The following TRAIP variants were observed in gnomAD, a reference collection of about 807,000 sequenced individuals.
TRAIP encodes the protein E3 ubiquitin-protein ligase TRAIP.
Under a neutral mutation model 65.0 loss-of-function variants are expected in TRAIP, and 37 were observed. The observed-to-expected ratio is 0.57, with a 90% CI of 0.44 to 0.75. The LOEUF (loss-of-function observed/expected upper bound fraction) is 0.75, where lower values mean the gene tolerates loss of function less well. Ranked by LOEUF, TRAIP falls within the 30% of genes least tolerant of loss-of-function variation. TRAIP has a pLI of 0.00. For synonymous variants in TRAIP, 187 were observed against 219.1 expected, an observed-to-expected ratio of 0.85 and a Z score of 1.29; for missense variants, 481 against 579.4, an observed-to-expected ratio of 0.83 and a Z score of 1.74.
At chr3:49,833,393 A>T (rs138484063) in intron 10 of TRAIP, among the ~76,000 whole-genome samples, 1,650 of 152,018 alleles carry the variant, frequency 0.011, 29 homozygotes, top group Middle Eastern at 0.045. Context: ...CACTAAACTC[A>T]AGACTCAGGA....
rs145762544 is a variant in TRAIP, at chr3:49,849,003, C to T, written c.99-803G>A. ...CTGGGATTACAGGCATGCGCGACCA[C>T]GCCCAGCTAATTTTTGTTTTTAGTA... On this transcript the variant is annotated intron_variant, in intron 1 of 14. Coordinates refer to ENST00000331456, the MANE Select transcript of TRAIP (RefSeq NM_005879.3). Among the ~76,000 whole-genome samples, 662 of 151,934 alleles carry T rather than the reference C, an allele frequency of 4.4e-3. 4 individuals carry two copies. Among genetic ancestry groups the T allele is most frequent in the African/African-American group, 0.015 (610 of 41,392 alleles).
chr3:49,836,327 C>A (rs1019280972), intron 10 of TRAIP, among the ~76,000 whole-genome samples: 2 of 151,460 alleles, frequency 1.3e-5, no homozygotes, highest in African/African-American at 4.8e-5. Context: ...CCCATCTCTA[C>A]TAAAAATACA....
At position 49,829,097 on chromosome 3, in the gene TRAIP, C is replaced by G. The variant is rs754838381; in HGVS notation, c.*6G>C. 1.9e-6 allele frequency: 3 copies of G among 1,614,094 alleles called. No individual in the cohort carries two copies. Among genetic ancestry groups the G allele is most frequent in the Non-Finnish European group, 2.5e-6 (3 of 1,180,030 alleles). On this transcript the variant is annotated 3_prime_UTR_variant, in exon 15 of 15. Coordinates refer to ENST00000331456, the MANE Select transcript of TRAIP (RefSeq NM_005879.3). ...TGTGTCTGGCCATTGGTCAGACTCA[C>G]TGTTCTCACGACCACAGGAAGGTGT... is the stretch of plus-strand genomic sequence containing the variant.
rs559729405 is a variant in TRAIP at position 49,845,999 on chromosome 3, C to T, written c.241-1419G>A. 3.2e-4 allele frequency among the ~76,000 whole-genome samples: 49 copies of T among 152,234 alleles called. 1 individual carries two copies. Among genetic ancestry groups the T allele is most frequent in the Middle Eastern group, 6.8e-3 (2 of 294 alleles). On this transcript the variant is annotated intron_variant, in intron 3 of 14. Coordinates refer to ENST00000331456, the MANE Select transcript of TRAIP (RefSeq NM_005879.3). ...CAGAGTCCAGGGATCATTTGTGAAC[C>T]CAAATCCAACTTCCTCAAGAGTTCT...
chr3:49,839,323 G>A (rs1024142484), intron 10 of TRAIP, among the ~76,000 whole-genome samples: 4 of 152,168 alleles, frequency 2.6e-5, no homozygotes, highest in Non-Finnish European at 5.9e-5. Flanking sequence ...CTGCTTCTGT[G>A]AAACTCTCAG....
intron 6 of TRAIP, 93 bp from the exon 7 acceptor site, chr3:49,842,032 A>T: frequency 7.9e-6 from 8 of 1,017,688 alleles, no homozygotes; most frequent in Non-Finnish European, 1.1e-5. Context: ...GCCGTTGCTA[A>T]GGTAACAGGC....
At chr3:49,847,913 C>G (rs1352540096) in intron 2 of TRAIP, among the ~76,000 whole-genome samples, 1 of 152,134 alleles carries the variant, frequency 6.6e-6, no homozygotes, top group Non-Finnish European at 1.5e-5. Context: ...GGAGGCCAGC[C>G]AAATCTACCC....
chr3:49,840,481 G>T, intron 8 of TRAIP, 108 bp from the exon 9 acceptor site: 2 of 858,194 alleles, frequency 2.3e-6, no homozygotes, highest in South Asian at 1.5e-5. Context: ...AGAGACTAGA[G>T]ATATGGGCAG....
At chr3:49,844,444 G>T in intron 4 of TRAIP, 97 bp downstream of exon 4, 2 of 1,352,060 alleles carry the variant, frequency 1.5e-6, no homozygotes, top group Non-Finnish European at 2.1e-6. Context: ...AAAGGCCCTG[G>T]CTCTCCCAAA....
chr3:49,852,710 G>A (rs796347729), intron 1 of TRAIP, among the ~76,000 whole-genome samples: 8 of 151,632 alleles, frequency 5.3e-5, no homozygotes, highest in African/African-American at 1.2e-4. Flanking sequence ...AGCCAAGATC[G>A]TGCCACTGCA....
chr3:49,831,842 C>T (rs879065938), intron 11 of TRAIP, 74 bp downstream of exon 11: 9 of 1,412,778 alleles, frequency 6.4e-6, no homozygotes, highest in Non-Finnish European at 7.4e-6. Flanking sequence ...TCAGAGCTAA[C>T]AGCACAGGGC....
rs779954097 is a variant in TRAIP at position 49,841,034 on chromosome 3, C to A, written c.656G>T (p.Gly219Val). 7 of 1,614,098 alleles carry A rather than the reference C, an allele frequency of 4.3e-6. No homozygotes were observed. Among genetic ancestry groups the A allele is most frequent in the Non-Finnish European group, 5.9e-6 (7 of 1,180,040 alleles). The change falls in exon 8 of 15, where the codon GGG becomes GTG. Residue 219 changes from glycine (G) to valine (V), a missense_variant. Physicochemically the swap from Gly to Val is moderately radical, Grantham distance 109 (BLOSUM62 -3). Transcript: ENST00000331456. ...CTTCCTCAGCTTGTCAGCCACCTCC[C>A]CTGAGGCCTTCCGTGCCTCTTTTAG... ...ENLKEARKAS[G>V]EVADKLRKDL...
Position 49,829,947 on chromosome 3 carries a change from T to C in TRAIP, c.1086+73A>G. The stretch of plus-strand genomic sequence containing the variant: ...TCCTGGACCAGGAGTGACAAGGCTC[T>C]GGCAAGACCGTGCCCTCCCAAAAGT... On this transcript the variant is annotated intron_variant, in intron 12 of 14. Coordinates refer to ENST00000331456, the MANE Select transcript of TRAIP (RefSeq NM_005879.3). 1.2e-6 allele frequency: 2 copies of C among 1,601,758 alleles called. 1 individual carries two copies. The highest frequency in any genetic ancestry group is 3.4e-4 in the Middle Eastern group (2 of 5,902).
chr3:49,855,640 AGCCATCAGTGTCAT>A (rs1340582922), intron 1 of TRAIP, among the ~76,000 whole-genome samples: 1 of 152,220 alleles, frequency 6.6e-6, no homozygotes, highest in African/African-American at 2.4e-5. Flanking sequence ...GTAAGCCAGC[AGCCATCAGTGTCAT>A]GCCTGCCTTT....
chr3:49,848,815 C>A (rs1157661051), intron 1 of TRAIP, among the ~76,000 whole-genome samples: 2 of 151,898 alleles, frequency 1.3e-5, no homozygotes, highest in Non-Finnish European at 2.9e-5. Flanking sequence ...TCTCATAAAC[C>A]CAATAAATAT....
In TRAIP at chr3:49,829,648, G is replaced by A; in HGVS notation, c.1205C>T (p.Pro402Leu). The change falls in exon 13 of 15, where the codon CCC (proline) becomes CTC (leucine). Residue 402 changes from proline (P) to leucine (L), a missense_variant. Transcript: ENST00000331456. ...AILGQKQPKR[P>L]RSESSCSKDV... is the part of the protein sequence containing the mutation. Reference sequence around the variant, plus strand: ...TTTGCTGCAAGAGGACTCTGACCTGGGCCTCTTGGGCTGTTTCTGGCCTAG... The same window carrying A: ...TTTGCTGCAAGAGGACTCTGACCTGAGCCTCTTGGGCTGTTTCTGGCCTAG... 6.2e-7 allele frequency: 1 copy of A among 1,614,174 alleles called. No individual in the cohort carries two copies. Among genetic ancestry groups the A allele is most frequent in the Non-Finnish European group, 8.5e-7 (1 of 1,180,030 alleles).
chr3:49,830,988 C>T (rs934532638), intron 11 of TRAIP, among the ~76,000 whole-genome samples: 1 of 152,236 alleles, frequency 6.6e-6, no homozygotes, highest in Non-Finnish European at 1.5e-5. Context: ...CCTGAAGACC[C>T]CAGGTGTCCA....
intron 14 of TRAIP, 63 bp downstream of exon 14, chr3:49,829,395 A>G: frequency 6.2e-7 from 1 of 1,613,022 alleles, no homozygotes. Flanking sequence ...GGCTGGGGGT[A>G]TAGGTGAGGC....
Position 49,829,181 on chromosome 3 carries a change from G to T in TRAIP, c.1332C>A (p.Thr444=), listed in dbSNP as rs763061502. ...MIRPLPVKPK[T]KVKQRVRVKT... is the part of the protein sequence containing the mutation. ...TCACCCTCACCCTCTGCTTAACCTT[G>T]GTCTTGGGCTTAACAGGCAATGGGC... The change falls in exon 15 of 15, where the codon ACC becomes ACA. Residue 444 remains threonine, a synonymous_variant. Coordinates refer to ENST00000331456, the MANE Select transcript of TRAIP (RefSeq NM_005879.3). 1 of 1,614,122 alleles carries T rather than the reference G, an allele frequency of 6.2e-7. No homozygotes were observed. The highest frequency in any genetic ancestry group is 8.5e-7 in the Non-Finnish European group (1 of 1,180,056).
Sources: gnomAD v4.1 joint callset for allele counts (sites outside exome capture counted in the v4.1 genomes callset) on GRCh38, gnomAD v4.1.1 for gene constraint, MANE v1.5 for transcripts, NCBI Gene and HGNC (gene_info 2026-07-23, HGNC 2026-07-21) for gene names.